The following GALNT2 variants were observed in gnomAD, a reference collection of about 807,000 sequenced individuals.
The protein encoded by GALNT2 is UDP-GalNAc:polypeptide N-acetylgalactosaminyltransferase 2.
GALNT2 carries 31 observed loss-of-function variants against 81.4 expected under a neutral mutation model. That is an observed-to-expected ratio of 0.38 (90% CI 0.29 to 0.51). The LOEUF (loss-of-function observed/expected upper bound fraction) is 0.51. Ranked by LOEUF, GALNT2 falls within the 20% of genes least tolerant of loss-of-function variation. The pLI is 0.87. For missense variants in GALNT2, 629 were observed against 765.7 expected (o/e 0.82, Z 2.11); for synonymous variants, 303 against 287.4 (o/e 1.05, Z -0.55).
intron 1 of GALNT2, among the ~76,000 whole-genome samples, chr1:230,094,685 C>G (rs1272377289): frequency 2.6e-5 from 4 of 152,090 alleles, no homozygotes; most frequent in African/African-American, 9.7e-5. Flanking sequence ...ATCTGGACAG[C>G]TGATATTAAA....
At chr1:230,142,003 G>C (rs1194137403) in intron 1 of GALNT2, among the ~76,000 whole-genome samples, 2 of 151,946 alleles carry the variant, frequency 1.3e-5, no homozygotes, top group Non-Finnish European at 2.9e-5. Flanking sequence ...GTGTTGCCCA[G>C]GCTGGTCTTG....
At chr1:230,199,477 G>A (rs1663817947) in intron 2 of GALNT2, among the ~76,000 whole-genome samples, 1 of 152,142 alleles carries the variant, frequency 6.6e-6, no homozygotes, top group Admixed American at 6.5e-5. Flanking sequence ...AGCCAGTTTC[G>A]AGAGATACCT....
At chr1:230,241,747 A>G (rs1457017290) in intron 6 of GALNT2, among the ~76,000 whole-genome samples, 4 of 152,110 alleles carry the variant, frequency 2.6e-5, no homozygotes, top group Admixed American at 2.0e-4. Flanking sequence ...ACGCCCGGCC[A>G]TGAGTTTGTT....
intron 10 of GALNT2, among the ~76,000 whole-genome samples, chr1:230,254,210 T>G (rs748665778): frequency 5.9e-5 from 9 of 152,136 alleles, no homozygotes; most frequent in Non-Finnish European, 8.8e-5. Flanking sequence ...TCAGTGGTGA[T>G]AAGGGCAGGT....
intron 10 of GALNT2, among the ~76,000 whole-genome samples, chr1:230,252,054 A>G (rs2102749873): frequency 6.6e-6 from 1 of 152,278 alleles, no homozygotes; most frequent in East Asian, 1.9e-4. Flanking sequence ...AGGCTGGGGC[A>G]TCTGTCCCTC....
intron 14 of GALNT2, among the ~76,000 whole-genome samples, chr1:230,269,712 T>TA (rs1332258114): frequency 2.7e-5 from 4 of 148,404 alleles, no homozygotes; most frequent in Non-Finnish European, 5.9e-5. Flanking sequence ...CTGGACAACA[T>TA]AGGGAAGCTC....
At chr1:230,179,076 T>G (rs1663077627) in intron 2 of GALNT2, among the ~76,000 whole-genome samples, 1 of 148,764 alleles carries the variant, frequency 6.7e-6, no homozygotes, top group East Asian at 1.9e-4. Flanking sequence ...TAATATATAT[T>G]TATTTTAATA....
chr1:230,057,856 A>C, upstream of GALNT2: 1 of 344,470 alleles, frequency 2.9e-6, no homozygotes, highest in South Asian at 2.2e-5. Flanking sequence ...CCCTAAAGGA[A>C]GGTAGCAACC....
At chr1:230,174,606 C>T (rs987898086) in intron 1 of GALNT2, among the ~76,000 whole-genome samples, 2 of 152,080 alleles carry the variant, frequency 1.3e-5, no homozygotes, top group African/African-American at 2.4e-5. Flanking sequence ...TCTTCCCCTT[C>T]GCACTCCTCC....
intron 1 of GALNT2, among the ~76,000 whole-genome samples, chr1:230,071,376 C>T (rs1185896739): frequency 6.6e-6 from 1 of 152,164 alleles, no homozygotes; most frequent in Non-Finnish European, 1.5e-5. Flanking sequence ...CAGTAGTGGG[C>T]AGCCATCGGG....
intron 10 of GALNT2, among the ~76,000 whole-genome samples, chr1:230,251,755 G>A (rs1303039941): frequency 6.6e-6 from 1 of 152,296 alleles, no homozygotes; most frequent in South Asian, 2.1e-4. Context: ...AGCGTATCGT[G>A]TAGGTGGCCA....
At chr1:230,202,091 A>G (rs1309411059) in intron 2 of GALNT2, among the ~76,000 whole-genome samples, 1 of 152,056 alleles carries the variant, frequency 6.6e-6, no homozygotes, top group African/African-American at 2.4e-5. Context: ...TTGTTATTCT[A>G]TTTACTTATT....
At chr1:230,146,164 G>A (rs1443086103) in intron 1 of GALNT2, among the ~76,000 whole-genome samples, 1 of 152,188 alleles carries the variant, frequency 6.6e-6, no homozygotes, top group East Asian at 1.9e-4. Context: ...TATTTCTGCT[G>A]TTTGGAGTTG....
chr1:230,227,054 C>G (rs1370938189), intron 3 of GALNT2, among the ~76,000 whole-genome samples: 1 of 141,568 alleles, frequency 7.1e-6, no homozygotes, highest in East Asian at 3.0e-4. Flanking sequence ...TGTAAAAAAG[C>G]AGATATAACT....
At chr1:230,060,363 A>G (rs1371878180) in intron 1 of GALNT2, among the ~76,000 whole-genome samples, 2 of 152,102 alleles carry the variant, frequency 1.3e-5, no homozygotes, top group Non-Finnish European at 2.9e-5. Context: ...TTGTTTATAT[A>G]CATCCTTGGC....
At chr1:230,124,814 C>G (rs144644545) in intron 1 of GALNT2, among the ~76,000 whole-genome samples, 22 of 152,268 alleles carry the variant, frequency 1.4e-4, no homozygotes, top group Non-Finnish European at 2.4e-4. Flanking sequence ...CCATGGCAGA[C>G]TAGGGTGGTG....
At chr1:230,172,100 G>A (rs1158071027) in intron 1 of GALNT2, among the ~76,000 whole-genome samples, 1 of 152,206 alleles carries the variant, frequency 6.6e-6, no homozygotes, top group Non-Finnish European at 1.5e-5. Flanking sequence ...TTTCACGTGA[G>A]CTGGACATGG....
At chr1:230,110,796 T>C (rs1660680633) in intron 1 of GALNT2, among the ~76,000 whole-genome samples, 2 of 150,892 alleles carry the variant, frequency 1.3e-5, no homozygotes, top group Admixed American at 1.3e-4. Context: ...ACATTGAGCA[T>C]GAGTTGAGAG....
intron 1 of GALNT2, among the ~76,000 whole-genome samples, chr1:230,129,432 C>T (rs1225829207): frequency 6.6e-6 from 1 of 152,202 alleles, no homozygotes; most frequent in Non-Finnish European, 1.5e-5. Context: ...ATCCTCCCTC[C>T]TCAGCCTCCT....
Sources: allele counts gnomAD v4.1 joint callset (sites outside exome capture counted in the v4.1 genomes callset), GRCh38; gene constraint gnomAD v4.1.1; transcripts MANE v1.5; gene names NCBI Gene and HGNC (gene_info 2026-07-23, HGNC 2026-07-21).